The following SBF2 variants were observed in gnomAD, a reference collection of about 807,000 sequenced individuals.
SBF2 encodes myotubularin-related protein 13.
SBF2 carries 112 observed loss-of-function variants against 225.2 expected under a neutral mutation model. That is an observed-to-expected ratio of 0.50 (90% CI 0.43 to 0.58). The LOEUF is 0.58. Among genes scored for constraint, SBF2 ranks in the 20% least tolerant of loss-of-function variants. The probability of loss-of-function intolerance (pLI) is 0.00; values close to 1 mark genes in which losing one functional copy is unlikely to be tolerated. For synonymous variants in SBF2, 763 were observed against 773.3 expected, an observed-to-expected ratio of 0.99 and a Z score of 0.22; for missense variants, 1,996 against 2,206.2, an observed-to-expected ratio of 0.90 and a Z score of 1.91.
At chr11:10,240,730 T>C (rs184443400) in intron 1 of SBF2, among the ~76,000 whole-genome samples, 13 of 152,330 alleles carry the variant, frequency 8.5e-5, no homozygotes, top group African/African-American at 1.7e-4. Flanking sequence ...TGTAACTGGT[T>C]TGGGGTAATA....
chr11:10,160,411 G>C (rs1221058619), intron 2 of SBF2, among the ~76,000 whole-genome samples: 1 of 151,934 alleles, frequency 6.6e-6, no homozygotes, highest in African/African-American at 2.4e-5. Flanking sequence ...TCAAGTTTTT[G>C]CTATATGGGC....
At chr11:9,819,023 C>G (rs1854606831) in intron 28 of SBF2, among the ~76,000 whole-genome samples, 1 of 152,154 alleles carries the variant, frequency 6.6e-6, no homozygotes, top group East Asian at 1.9e-4. Context: ...CACCCGGCTG[C>G]ATGAATCTTT....
At chr11:10,173,493 C>G (rs190717636) in intron 2 of SBF2, among the ~76,000 whole-genome samples, 163 of 152,326 alleles carry the variant, frequency 1.1e-3, no homozygotes, top group Non-Finnish European at 1.5e-3. Context: ...TATCCCCCAC[C>G]TGGCTGGGAG....
At chr11:10,231,344 C>T (rs1958835645) in intron 1 of SBF2, among the ~76,000 whole-genome samples, 1 of 152,198 alleles carries the variant, frequency 6.6e-6, no homozygotes, top group Non-Finnish European at 1.5e-5. Flanking sequence ...TGTTCCGTTG[C>T]TGGTGAGGAG....
At chr11:9,950,842 G>A (rs1267525459) in intron 16 of SBF2, among the ~76,000 whole-genome samples, 1 of 152,206 alleles carries the variant, frequency 6.6e-6, no homozygotes, top group Non-Finnish European at 1.5e-5. Context: ...GCTGAAGTAA[G>A]CAGCTACTTA....
At chr11:10,069,365 T>C (rs1214484346) in intron 2 of SBF2, among the ~76,000 whole-genome samples, 1 of 131,940 alleles carries the variant, frequency 7.6e-6, no homozygotes, top group Non-Finnish European at 1.5e-5. Context: ...CTATTCCAAG[T>C]GTTCTCATTG....
chr11:10,221,271 T>C (rs1237446820), intron 1 of SBF2, among the ~76,000 whole-genome samples: 1 of 151,708 alleles, frequency 6.6e-6, no homozygotes, highest in African/African-American at 2.4e-5. Flanking sequence ...GCATGAGCCG[T>C]CACGCCCAGC....
intron 2 of SBF2, among the ~76,000 whole-genome samples, chr11:10,141,690 A>C (rs1954655266): frequency 6.6e-6 from 1 of 152,166 alleles, no homozygotes; most frequent in Non-Finnish European, 1.5e-5. Flanking sequence ...ACTCTCTCAT[A>C]AATACTAGTA....
chr11:10,298,866 A>G (rs1964571590), upstream of SBF2, among the ~76,000 whole-genome samples: 2 of 152,164 alleles, frequency 1.3e-5, no homozygotes, highest in South Asian at 4.1e-4. Context: ...TATTATTGCA[A>G]TAGGTTCTTA....
chr11:9,920,697 T>C (rs564302104), intron 16 of SBF2, among the ~76,000 whole-genome samples: 1 of 152,278 alleles, frequency 6.6e-6, no homozygotes, highest in Admixed American at 6.5e-5. Flanking sequence ...GGTTTTAAAA[T>C]ACTAGCTGCA....
At chr11:10,185,986 T>C (rs1956922181) in intron 2 of SBF2, among the ~76,000 whole-genome samples, 1 of 152,204 alleles carries the variant, frequency 6.6e-6, no homozygotes, top group Admixed American at 6.5e-5. Flanking sequence ...AAGACACAGT[T>C]ACCCTAGTTT....
At position 10,029,743 on chromosome 11, in the gene SBF2, C is replaced by T. The variant is rs761504787; in HGVS notation, c.513+22G>A. On this transcript the variant is annotated intron_variant, in intron 5 of 39. Coordinates refer to ENST00000256190, the MANE Select transcript of SBF2 (RefSeq NM_030962.4). ...GGGGAAGAGGAACAATCCTTCTCCA[C>T]CTCTCTTTCTATTCTATTTACCTGA... is the stretch of plus-strand genomic sequence containing the variant. The T allele has an allele frequency of 4.0e-5, 57 of 1,437,190 alleles. 1 individual carries two copies. The East Asian group carries it at 1.2e-3, about 30-fold the overall frequency. The allele number at this position is 1,437,190 out of a possible 1,614,324, so 89.0% of individuals were successfully genotyped here. A position where few individuals can be genotyped will look rare whatever the true frequency, so the allele number is the denominator to read the frequency against.
At chr11:9,858,511 T>A in intron 17 of SBF2, 115 bp from the exon 18 acceptor site, 1 of 1,095,630 alleles carries the variant, frequency 9.1e-7, no homozygotes, top group Non-Finnish European at 1.4e-6. Flanking sequence ...CTAAAGAATA[T>A]CGTATGGTAG....
At chr11:10,197,645 A>G (rs560969718) in intron 1 of SBF2, among the ~76,000 whole-genome samples, 1 of 152,336 alleles carries the variant, frequency 6.6e-6, no homozygotes, top group East Asian at 1.9e-4. Context: ...ACTTTCTTTC[A>G]CAAAAAATTT....
At chr11:9,929,566 G>A (rs551331827) in intron 16 of SBF2, among the ~76,000 whole-genome samples, 1 of 152,262 alleles carries the variant, frequency 6.6e-6, no homozygotes, top group Non-Finnish European at 1.5e-5. Flanking sequence ...TTGGCAAATC[G>A]ATGAGATAAA....
chr11:9,813,150 G>C (rs1854285591), intron 29 of SBF2, among the ~76,000 whole-genome samples: 1 of 152,158 alleles, frequency 6.6e-6, no homozygotes, highest in Non-Finnish European at 1.5e-5. Flanking sequence ...TAAGGGATAG[G>C]TAACACACTG....
Position 9,864,550 on chromosome 11 carries a change from C to T in SBF2, c.1930-6154G>A, listed in dbSNP as rs182854542. ...CACAGGCACACACCACCATGCCTGG[C>T]TAATTTCTGTATTTTTTGTAGAGAT... On this transcript the variant is annotated intron_variant, in intron 17 of 39. Coordinates refer to ENST00000256190, the MANE Select transcript of SBF2 (RefSeq NM_030962.4). 3.9e-5 allele frequency among the ~76,000 whole-genome samples: 6 copies of T among 152,180 alleles called. No individual in the cohort carries two copies. The East Asian group carries it at 9.7e-4, about 25-fold the overall frequency.
chr11:10,141,537 T>G (rs1376962675), intron 2 of SBF2, among the ~76,000 whole-genome samples: 1 of 152,212 alleles, frequency 6.6e-6, no homozygotes, highest in South Asian at 2.1e-4. Context: ...TAGAAATCAT[T>G]TCTTTCAAAA....
rs1948742203 is a variant in SBF2, at chr11:10,018,876, C to T, written c.619+9576G>A. 2.0e-5 allele frequency among the ~76,000 whole-genome samples: 3 copies of T among 152,112 alleles called. No individual in the cohort carries two copies. The South Asian group carries it at 6.2e-4, about 32-fold the overall frequency. On this transcript the variant is annotated intron_variant, in intron 6 of 39. Transcript: ENST00000256190. The stretch of plus-strand genomic sequence containing the variant: ...ATAACATTCTGACTATTTCCTAAAA[C>T]CCTGTTCTCAGGCTTCACCAAACAT...
Sources: gnomAD v4.1 joint callset for allele counts (sites outside exome capture counted in the v4.1 genomes callset) on GRCh38, gnomAD v4.1.1 for gene constraint, MANE v1.5 for transcripts, NCBI Gene and HGNC (gene_info 2026-07-23, HGNC 2026-07-21) for gene names.